Variants in CNDP1 observed in about 807,000 individuals in gnomAD.
CNDP1 encodes beta-Ala-His dipeptidase.
In CNDP1, 44 loss-of-function variants were observed where a neutral mutation model predicts 58.1. The observed-to-expected ratio is 0.76, with a 90% CI of 0.60 to 0.97. CNDP1 has a LOEUF of 0.97. Among genes scored for constraint, CNDP1 ranks in the 50% least tolerant of loss-of-function variants. The pLI, the probability that CNDP1 is intolerant of heterozygous loss-of-function variation, is 0.00. For synonymous variants in CNDP1, 254 were observed against 252.6 expected (o/e 1.01, Z -0.05); for missense variants, 616 against 655.1 (o/e 0.94, Z 0.65).
chr18:74,556,380 G>C lies in CNDP1; in HGVS notation c.67G>C (p.Gly23Arg). 1.9e-6 allele frequency: 3 copies of C among 1,612,396 alleles called. No homozygotes were observed. The highest frequency in any genetic ancestry group is 1.7e-6 in the Non-Finnish European group (2 of 1,179,222). Residue 23 changes from glycine (G) to arginine (R), a missense_variant, in exon 2 of 12, where the codon GGC becomes CGC. Gly to Arg is a moderately radical substitution (Grantham distance 125). Transcript: ENST00000358821. Reference sequence around the variant, plus strand: ...TGTGCTGCTGCTGCTGCTGGAGCGCGGCATGTTCTCCTCACCCTCCCCGCC... The same window carrying C: ...TGTGCTGCTGCTGCTGCTGGAGCGCCGCATGTTCTCCTCACCCTCCCCGCC... ...LAVLLLLLER[G>R]MFSSPSPPPA...
intron 1 of CNDP1, among the ~76,000 whole-genome samples, chr18:74,538,551 C>T (rs1980539133): frequency 1.3e-5 from 2 of 152,080 alleles, no homozygotes; most frequent in African/African-American, 4.8e-5. Context: ...AGGGTGTGTA[C>T]CTGGGAGTGG....
In CNDP1 at chr18:74,559,317, T is replaced by C; in HGVS notation, c.154-6T>C. On this transcript the variant is annotated splice_polypyrimidine_tract_variant and splice_region_variant and intron_variant, in intron 2 of 11. Transcript: ENST00000358821. The stretch of plus-strand genomic sequence containing the variant: ...ATGCTAATGGCCTGCTTGCTCTTCC[T>C]CCTAGACGCTGAAGGAGTGGGTGGC... 6.2e-7 allele frequency: 1 copy of C among 1,614,026 alleles called. No homozygotes were observed. The highest frequency in any genetic ancestry group is 8.5e-7 in the Non-Finnish European group (1 of 1,179,968).
chr18:74,562,525 A>G (rs1345302963), intron 5 of CNDP1, among the ~76,000 whole-genome samples: 1 of 152,146 alleles, frequency 6.6e-6, no homozygotes, highest in Admixed American at 6.5e-5. Flanking sequence ...TTTTCTTCTT[A>G]TCACAAAGTA....
intron 2 of CNDP1, among the ~76,000 whole-genome samples, chr18:74,557,576 T>C (rs1470406298): frequency 1.3e-5 from 2 of 151,920 alleles, no homozygotes; most frequent in Admixed American, 6.6e-5. Context: ...GTCCCCTCTG[T>C]GGCCATCCGG....
At chr18:74,556,254 G>C in intron 1 of CNDP1, 84 bp from the exon 2 acceptor site, 1 of 1,487,852 alleles carries the variant, frequency 6.7e-7, no homozygotes, top group African/African-American at 1.4e-5. Context: ...TGAGGTAACA[G>C]ACCTTCTTGA....
intron 1 of CNDP1, among the ~76,000 whole-genome samples, chr18:74,551,379 CACACACA>C (rs750736269): frequency 2.4e-3 from 364 of 151,836 alleles, no homozygotes; most frequent in Middle Eastern, 0.014. Flanking sequence ...CACACACACA[CACACACA>C]CACACACAAA....
chr18:74,549,855 G>A (rs1980856555), intron 1 of CNDP1, among the ~76,000 whole-genome samples: 1 of 152,152 alleles, frequency 6.6e-6, no homozygotes, highest in Non-Finnish European at 1.5e-5. Context: ...GGCTCAAAGG[G>A]CCCCAGATAC....
chr18:74,557,096 T>C (rs1981063108), intron 2 of CNDP1, among the ~76,000 whole-genome samples: 1 of 151,928 alleles, frequency 6.6e-6, no homozygotes, highest in South Asian at 2.1e-4. Flanking sequence ...TTGTATTTTT[T>C]CAGTAGAGAC....
At chr18:74,560,793 C>G in intron 3 of CNDP1, 63 bp from the exon 4 acceptor site, 2 of 1,507,416 alleles carry the variant, frequency 1.3e-6, no homozygotes, top group Non-Finnish European at 1.8e-6. Context: ...AATGTCATGT[C>G]TTTGAATTTT....
intron 1 of CNDP1, among the ~76,000 whole-genome samples, chr18:74,547,087 C>T (rs1419207782): frequency 3.3e-5 from 5 of 152,228 alleles, no homozygotes; most frequent in African/African-American, 9.6e-5. Context: ...GCAGGAGCCA[C>T]GTTGGCTCAG....
chr18:74,534,773 G>A, intron 1 of CNDP1, 82 bp downstream of exon 1: 1 of 1,547,826 alleles, frequency 6.5e-7, no homozygotes, highest in Non-Finnish European at 8.9e-7. Flanking sequence ...GTTAAGCCCA[G>A]TTGGGCAGGG....
intron 1 of CNDP1, among the ~76,000 whole-genome samples, chr18:74,546,124 T>C (rs1980752005): frequency 6.6e-6 from 1 of 152,192 alleles, no homozygotes; most frequent in African/African-American, 2.4e-5. Flanking sequence ...TTTTTGGTCA[T>C]TGTTGTTTGA....
At chr18:74,570,574 C>T (rs2144664917) in intron 6 of CNDP1, among the ~76,000 whole-genome samples, 1 of 152,238 alleles carries the variant, frequency 6.6e-6, no homozygotes, top group African/African-American at 2.4e-5. Flanking sequence ...ACATCTAGTC[C>T]CTGTTGGCAA....
At position 74,545,200 on chromosome 18, in the gene CNDP1, T is replaced by C. The variant is rs17817180; in HGVS notation, c.24+10509T>C. On this transcript the variant is annotated intron_variant, in intron 1 of 11. Transcript: ENST00000358821. The surrounding 1 kb of genome is among the most constrained non-coding windows in gnomAD (Gnocchi z 4.1). ...TGTTCCAGCAGCCTGAGGAAGCTAGTGGAGACCGATGGGAAAGCCCCGCCC... is the reference window on the plus strand; with the variant it reads ...TGTTCCAGCAGCCTGAGGAAGCTAGCGGAGACCGATGGGAAAGCCCCGCCC... Among the ~76,000 whole-genome samples, 24,281 of 152,208 alleles carry C rather than the reference T, an allele frequency of 0.16. 2,114 individuals carry two copies. Among genetic ancestry groups the C allele is most frequent in the Middle Eastern group, 0.24 (72 of 294 alleles).
At chr18:74,559,220 A>T (rs12605490) in intron 2 of CNDP1, 103 bp from the exon 3 acceptor site, 919,183 of 1,172,228 alleles carry the variant, frequency 0.78, 363,163 homozygotes, top group East Asian at 0.94. Context: ...CTTGATCAAC[A>T]GAAAAGTACC....
chr18:74,568,647 T>C (rs1330858625), intron 6 of CNDP1, among the ~76,000 whole-genome samples: 4 of 152,080 alleles, frequency 2.6e-5, no homozygotes, highest in African/African-American at 9.6e-5. Flanking sequence ...GGGCTTTGGG[T>C]AGGTAGAGAG....
intron 7 of CNDP1, among the ~76,000 whole-genome samples, chr18:74,574,042 A>T (rs1981566586): frequency 6.6e-6 from 1 of 152,260 alleles, no homozygotes; most frequent in Admixed American, 6.5e-5. Context: ...GCTGGGCTGT[A>T]GTGGAGATGC....
intron 1 of CNDP1, among the ~76,000 whole-genome samples, chr18:74,552,462 T>A (rs1980935041): frequency 6.6e-6 from 1 of 152,212 alleles, no homozygotes; most frequent in Admixed American, 6.5e-5. Context: ...ATCTACTTTC[T>A]GTCTCTATGA....
rs12960862 is a variant in CNDP1, at chr18:74,567,400, C to T, written c.723C>T (p.Tyr241=). ...WISQRKPAIT[Y]GTRGNSYFMV... ...GCCAAAGGAAGCCAGCAATCACTTACGGAACCCGGGGGAACAGCTACTTCA... is the reference window on the plus strand; with the variant it reads ...GCCAAAGGAAGCCAGCAATCACTTATGGAACCCGGGGGAACAGCTACTTCA... Residue 241 remains tyrosine (Y), a synonymous_variant, in exon 6 of 12, where the codon TAC becomes TAT. Transcript: ENST00000358821. 0.64 allele frequency: 1,024,781 copies of T among 1,613,224 alleles called. 332,887 individuals carry two copies. The highest frequency in any genetic ancestry group is 0.68 in the Non-Finnish European group (797,071 of 1,179,354).
Sources: allele counts gnomAD v4.1 joint callset (sites outside exome capture counted in the v4.1 genomes callset), GRCh38; gene constraint gnomAD v4.1.1; non-coding constraint Gnocchi (gnomAD v3.1); transcripts MANE v1.5; gene names NCBI Gene and HGNC (gene_info 2026-07-23, HGNC 2026-07-21).